Variants in MYO9A observed in about 807,000 individuals in gnomAD.
The protein encoded by MYO9A is unconventional myosin-IXa.
In MYO9A, 103 loss-of-function variants were observed where a neutral mutation model predicts 293.3. That is an observed-to-expected ratio of 0.35 (90% CI 0.30 to 0.41). The LOEUF (loss-of-function observed/expected upper bound fraction) is 0.41, where lower values mean the gene tolerates loss of function less well. MYO9A is among the 10% of genes least tolerant of loss of function. MYO9A has a pLI of 1.00. For synonymous variants in MYO9A, 1,001 were observed against 1,035.7 expected, an observed-to-expected ratio of 0.97 and a Z score of 0.64; for missense variants, 2,685 against 3,033.0, an observed-to-expected ratio of 0.89 and a Z score of 2.69.
At chr15:72,065,067 C>G (rs768107987) in intron 1 of MYO9A, among the ~76,000 whole-genome samples, 21 of 152,258 alleles carry the variant, frequency 1.4e-4, no homozygotes, top group South Asian at 2.1e-4. Flanking sequence ...GATGCCACTG[C>G]AATTCAGTAT....
At position 71,822,854 on chromosome 15, in the gene MYO9A, AATC is replaced by A. The variant is rs1480814413; in HGVS notation, c.*3723_*3725del. On this transcript the variant is annotated 3_prime_UTR_variant, in exon 42 of 42. Coordinates refer to ENST00000356056, the MANE Select transcript of MYO9A (RefSeq NM_006901.4). ...TGAGACCTAATAGATCCATCTCCAC[AATC>A]ATCATTTTGCTGTTACCCTTTCAAT... The A allele has an allele frequency of 1.3e-5, 2 of 152,162 alleles. No individual in the cohort carries two copies. The highest frequency in any genetic ancestry group is 2.9e-5 in the Non-Finnish European group (2 of 68,026). The allele number at this position is 152,162 out of a possible 1,614,324, so 9.4% of individuals were successfully genotyped here.
intron 11 of MYO9A, among the ~76,000 whole-genome samples, chr15:71,987,122 T>G (rs765138202): frequency 6.6e-6 from 1 of 152,222 alleles, no homozygotes; most frequent in Non-Finnish European, 1.5e-5. Flanking sequence ...CTGTACAGGT[T>G]TGTGGCCTAG....
intron 1 of MYO9A, among the ~76,000 whole-genome samples, chr15:72,067,503 A>C (rs1327194344): frequency 6.6e-6 from 1 of 151,930 alleles, no homozygotes; most frequent in East Asian, 1.9e-4. Flanking sequence ...GGCTGGTCTC[A>C]AACTCCTGAC....
chr15:72,085,176 T>C (rs2079677149), intron 1 of MYO9A, among the ~76,000 whole-genome samples: 1 of 152,058 alleles, frequency 6.6e-6, no homozygotes, highest in African/African-American at 2.4e-5. Context: ...GGGTGAATCA[T>C]GAAGTCAAGA....
intron 4 of MYO9A, among the ~76,000 whole-genome samples, chr15:72,023,488 T>A (rs1341420470): frequency 1.3e-5 from 2 of 151,464 alleles, no homozygotes; most frequent in Middle Eastern, 3.4e-3. Flanking sequence ...AGGTCAGGAG[T>A]TCGAGGCCAG....
chr15:72,050,566 C>T (rs1174673633), intron 1 of MYO9A, among the ~76,000 whole-genome samples: 1 of 152,080 alleles, frequency 6.6e-6, no homozygotes, highest in African/African-American at 2.4e-5. Context: ...AAGATCATGC[C>T]ACTGCACTCC....
intron 26 of MYO9A, among the ~76,000 whole-genome samples, chr15:71,889,203 C>T (rs2057106406): frequency 6.6e-6 from 1 of 152,088 alleles, no homozygotes; most frequent in Non-Finnish European, 1.5e-5. Context: ...GAATGTTCAG[C>T]TTGAGTACTA....
intron 32 of MYO9A, 68 bp downstream of exon 32, chr15:71,875,723 G>C (rs1299530948): frequency 2.6e-6 from 2 of 762,538 alleles, no homozygotes; most frequent in Non-Finnish European, 3.8e-6. Context: ...CATATATATT[G>C]TATGATATAC....
intron 1 of MYO9A, among the ~76,000 whole-genome samples, chr15:72,066,124 G>A (rs2079014096): frequency 1.3e-5 from 2 of 152,200 alleles, no homozygotes; most frequent in South Asian, 4.1e-4. Context: ...TGTCCCAGCT[G>A]ACCCACAAAT....
At chr15:71,864,959 T>C (rs1440341047) in intron 32 of MYO9A, among the ~76,000 whole-genome samples, 1 of 152,166 alleles carries the variant, frequency 6.6e-6, no homozygotes, top group Non-Finnish European at 1.5e-5. Flanking sequence ...GGTAAGTAAA[T>C]TTACCTCCAG....
intron 39 of MYO9A, among the ~76,000 whole-genome samples, chr15:71,841,894 C>T (rs900784007): frequency 1.3e-5 from 2 of 151,564 alleles, no homozygotes; most frequent in African/African-American, 4.9e-5. Flanking sequence ...GATCCACATG[C>T]CTTGGTCTCC....
At chr15:71,873,063 TCAC>T (rs1011104384) in intron 32 of MYO9A, among the ~76,000 whole-genome samples, 1 of 151,644 alleles carries the variant, frequency 6.6e-6, no homozygotes, top group African/African-American at 2.4e-5. Context: ...CAGGCGCCCA[TCAC>T]CACACCTGGC....
intron 14 of MYO9A, chr15:71,953,659 A>G (rs1441221422): frequency 6.6e-6 from 1 of 152,144 alleles, no homozygotes; most frequent in Non-Finnish European, 1.5e-5. Flanking sequence ...TGCCTAGATT[A>G]GTTTCTTTAA....
chr15:72,070,850 T>C (rs1232009517), intron 1 of MYO9A, among the ~76,000 whole-genome samples: 2 of 152,194 alleles, frequency 1.3e-5, no homozygotes, highest in African/African-American at 4.8e-5. Flanking sequence ...TGGCTACCCA[T>C]ATGCAGAAGA....
chr15:72,099,370 G>C (rs2080177840), intron 1 of MYO9A, among the ~76,000 whole-genome samples: 1 of 136,634 alleles, frequency 7.3e-6, no homozygotes, highest in Non-Finnish European at 1.5e-5. Flanking sequence ...AACCTGGGAG[G>C]CAGAGGTTGG....
chr15:71,922,392 C>T (rs2058179165), intron 18 of MYO9A, among the ~76,000 whole-genome samples: 1 of 152,172 alleles, frequency 6.6e-6, no homozygotes, highest in African/African-American at 2.4e-5. Context: ...TATTATGACA[C>T]ATGTATACAT....
At chr15:72,081,816 GT>G (rs1409519925) in intron 1 of MYO9A, among the ~76,000 whole-genome samples, 1 of 152,146 alleles carries the variant, frequency 6.6e-6, no homozygotes, top group African/African-American at 2.4e-5. Context: ...CCCATTGCTT[GT>G]TTTTGTCAGC....
chr15:71,903,405 G>A (rs1020294959), intron 21 of MYO9A, among the ~76,000 whole-genome samples: 1 of 152,188 alleles, frequency 6.6e-6, no homozygotes, highest in East Asian at 1.9e-4. Flanking sequence ...TGGCAGGATG[G>A]GGACAGGGTA....
At chr15:71,836,620 T>C (rs1308982757) in intron 39 of MYO9A, among the ~76,000 whole-genome samples, 3 of 152,068 alleles carry the variant, frequency 2.0e-5, no homozygotes, top group African/African-American at 7.2e-5. Flanking sequence ...CATACACTGA[T>C]AAACTATACA....
Sources: allele counts gnomAD v4.1 joint callset (sites outside exome capture counted in the v4.1 genomes callset), GRCh38; gene constraint gnomAD v4.1.1; transcripts MANE v1.5; gene names NCBI Gene and HGNC (gene_info 2026-07-23, HGNC 2026-07-21).